NSUN3: variants seen among roughly 807,000 people sequenced by gnomAD.
The protein encoded by NSUN3 is NOP2/Sun RNA methyltransferase 3.
In NSUN3, 24 loss-of-function variants were observed where a neutral mutation model predicts 36.8. The observed-to-expected ratio is 0.65, with a 90% CI of 0.47 to 0.92. NSUN3 has a LOEUF of 0.92. NSUN3 is among the 40% of genes least tolerant of loss of function. NSUN3 has a pLI of 0.00. For missense variants in NSUN3, 381 were observed against 392.8 expected (o/e 0.97, Z 0.25); for synonymous variants, 146 against 145.2 (o/e 1.01, Z -0.04).
intron 2 of NSUN3, among the ~76,000 whole-genome samples, chr3:94,066,793 C>G (rs1377891802): frequency 1.3e-5 from 2 of 152,152 alleles, no homozygotes; most frequent in African/African-American, 4.8e-5. Context: ...TATTATTTTT[C>G]CCTTTCAAAC....
intron 5 of NSUN3, among the ~76,000 whole-genome samples, chr3:94,121,110 G>A (rs537090396): frequency 6.6e-6 from 1 of 152,302 alleles, no homozygotes; most frequent in East Asian, 1.9e-4. Context: ...AAATAGCACA[G>A]ATTTGTTACC....
chr3:94,101,304 T>A (rs998361283), intron 5 of NSUN3, among the ~76,000 whole-genome samples: 1 of 151,508 alleles, frequency 6.6e-6, no homozygotes, highest in Admixed American at 6.6e-5. Flanking sequence ...GATGTTAAAT[T>A]TTTTTTTTAA....
chr3:94,106,776 A>G (rs1228386580), intron 5 of NSUN3, among the ~76,000 whole-genome samples: 1 of 152,172 alleles, frequency 6.6e-6, no homozygotes, highest in Non-Finnish European at 1.5e-5. Flanking sequence ...AAATGAAAGA[A>G]ATGGGAACTG....
In NSUN3 at chr3:94,129,018, G is replaced by A. The variant is rs1444773306; in HGVS notation, c.*2528G>A. The stretch of plus-strand genomic sequence containing the variant: ...AAAAATAACAGACGCTGATGAGGCT[G>A]TGGAGAAAAGGAACTGCTTATGAAC... On this transcript the variant is annotated 3_prime_UTR_variant, in exon 6 of 6. Coordinates refer to ENST00000314622, the MANE Select transcript of NSUN3 (RefSeq NM_022072.5). Among the ~76,000 whole-genome samples, 1 of 152,206 alleles carries A rather than the reference G, an allele frequency of 6.6e-6. No homozygotes were observed. The highest frequency in any genetic ancestry group is 6.5e-5 in the Admixed American group (1 of 15,282).
intron 5 of NSUN3, among the ~76,000 whole-genome samples, chr3:94,102,202 T>TAAAAAAAAAAAAAA (rs5850923): frequency 8.9e-5 from 9 of 101,540 alleles, no homozygotes; most frequent in African/African-American, 1.5e-4. Flanking sequence ...AAAGAAACGT[T>TAAAAAAAAAAAAAA]AAAAAAAAAA....
chr3:94,112,236 A>G (rs896939135), intron 5 of NSUN3, among the ~76,000 whole-genome samples: 1 of 152,238 alleles, frequency 6.6e-6, no homozygotes, highest in Non-Finnish European at 1.5e-5. Flanking sequence ...ACCCAGAATA[A>G]TACTTGACCA....
At chr3:94,123,949 C>T (rs926363725) in intron 5 of NSUN3, among the ~76,000 whole-genome samples, 13 of 151,720 alleles carry the variant, frequency 8.6e-5, no homozygotes, top group South Asian at 6.2e-4. Context: ...AAATTGCATA[C>T]TAAATAAAAA....
At chr3:94,109,849 G>A (rs1190916614) in intron 5 of NSUN3, among the ~76,000 whole-genome samples, 2 of 152,186 alleles carry the variant, frequency 1.3e-5, no homozygotes, top group African/African-American at 4.8e-5. Flanking sequence ...CAAGATATAT[G>A]ACATTTTATT....
intron 5 of NSUN3, among the ~76,000 whole-genome samples, chr3:94,100,020 T>C (rs1480839380): frequency 1.3e-5 from 2 of 152,114 alleles, no homozygotes. Context: ...AACATTAATG[T>C]GTATGAGTTT....
At chr3:94,103,092 G>T (rs1375294967) in intron 5 of NSUN3, among the ~76,000 whole-genome samples, 1 of 151,970 alleles carries the variant, frequency 6.6e-6, no homozygotes, top group African/African-American at 2.4e-5. Flanking sequence ...TTACCATGTT[G>T]GCCTGGCTGG....
chr3:94,098,152 A>C (rs558887156), intron 5 of NSUN3, among the ~76,000 whole-genome samples: 1 of 152,070 alleles, frequency 6.6e-6, no homozygotes, highest in Non-Finnish European at 1.5e-5. Context: ...GCCACCATAT[A>C]TTTGCCTAAG....
Position 94,094,259 on chromosome 3 carries a change from A to C in NSUN3, c.586A>C (p.Lys196Gln). ...TAAAGTGTCTGAATTGGATGGCAGA[A>C]AAATGGGAGATGCCCAGCCTGAAAT... ...VIKVSELDGRKMGDAQPEMFD... is the reference protein window; with the variant it reads ...VIKVSELDGRQMGDAQPEMFD... Residue 196 changes from lysine to glutamine, a missense_variant, in exon 4 of 6, where the codon AAA becomes CAA. Lys to Gln is a moderately conservative substitution (Grantham distance 53). Coordinates refer to ENST00000314622, the MANE Select transcript of NSUN3 (RefSeq NM_022072.5). The C allele has an allele frequency of 2.5e-6, 4 of 1,612,950 alleles. No homozygotes were observed. The highest frequency in any genetic ancestry group is 3.4e-6 in the Non-Finnish European group (4 of 1,179,720).
At chr3:94,095,521 T>C (rs570327232) in intron 5 of NSUN3, among the ~76,000 whole-genome samples, 11 of 152,194 alleles carry the variant, frequency 7.2e-5, no homozygotes, top group Non-Finnish European at 1.0e-4. Context: ...AGGATGCATG[T>C]TTTGTTATTG....
At position 94,127,373 on chromosome 3, in the gene NSUN3, A is replaced by G. The variant is rs920068529; in HGVS notation, c.*883A>G. On this transcript the variant is annotated 3_prime_UTR_variant, in exon 6 of 6. Coordinates refer to ENST00000314622, the MANE Select transcript of NSUN3 (RefSeq NM_022072.5). ...CATTCACAATCTGGAGGGGCTTTTT[A>G]TTTCACTTTGTTATAAAATGTTCTC... 6.6e-6 allele frequency: 1 copy of G among 152,144 alleles called. No individual in the cohort carries two copies. The highest frequency in any genetic ancestry group is 2.4e-5 in the African/African-American group (1 of 41,418). The allele number at this position is 152,144 out of a possible 1,614,324, so 9.4% of individuals were successfully genotyped here. A position where few individuals can be genotyped will look rare whatever the true frequency, so the allele number is the denominator to read the frequency against.
chr3:94,111,747 T>C (rs2077418691), intron 5 of NSUN3, among the ~76,000 whole-genome samples: 1 of 152,028 alleles, frequency 6.6e-6, no homozygotes, highest in South Asian at 2.1e-4. Context: ...TGTGGAACTG[T>C]CATCTATGAT....
chr3:94,128,886 A>T lies in NSUN3; in HGVS notation c.*2396A>T, dbSNP rs1397419972. 6.6e-6 allele frequency among the ~76,000 whole-genome samples: 1 copy of T among 152,194 alleles called. No individual in the cohort carries two copies. Among genetic ancestry groups the T allele is most frequent in the African/African-American group, 2.4e-5 (1 of 41,452 alleles). The stretch of plus-strand genomic sequence containing the variant: ...CATTCACATGGCCAACAAACATATG[A>T]AAAAGTGCTCTTCATCACTAATCAT... On this transcript the variant is annotated 3_prime_UTR_variant, in exon 6 of 6. Coordinates refer to ENST00000314622, the MANE Select transcript of NSUN3 (RefSeq NM_022072.5).
intron 2 of NSUN3, among the ~76,000 whole-genome samples, chr3:94,065,517 A>G (rs2107232462): frequency 6.6e-6 from 1 of 152,302 alleles, no homozygotes; most frequent in East Asian, 1.9e-4. Flanking sequence ...AATTTTTCAG[A>G]TGGTTGGCTT....
intron 3 of NSUN3, chr3:94,084,722 C>A: frequency 3.2e-6 from 1 of 310,832 alleles, no homozygotes; most frequent in South Asian, 5.9e-5. Context: ...TGCTGATAAG[C>A]CTGATAGGTA....
chr3:94,112,888 G>A (rs753730651), intron 5 of NSUN3, among the ~76,000 whole-genome samples: 11 of 151,696 alleles, frequency 7.3e-5, no homozygotes, highest in South Asian at 4.2e-4. Flanking sequence ...TTTTTGAGAC[G>A]GAGTCTTGCT....
Sources: gnomAD v4.1 joint callset for allele counts (sites outside exome capture counted in the v4.1 genomes callset) on GRCh38, gnomAD v4.1.1 for gene constraint, MANE v1.5 for transcripts, NCBI Gene and HGNC (gene_info 2026-07-23, HGNC 2026-07-21) for gene names.